OPHN1: variants seen among roughly 807,000 people sequenced by gnomAD.
OPHN1 encodes oligophrenin-1.
A neutral mutation model predicts 60.7 loss-of-function variants in OPHN1; 11 were observed. The observed-to-expected ratio is 0.18, with a 90% CI of 0.11 to 0.30. OPHN1 has a LOEUF of 0.30. OPHN1 is among the 10% of genes least tolerant of loss of function. OPHN1 has a pLI of 1.00. For missense variants in OPHN1, 449 were observed against 611.0 expected (o/e 0.73, Z 2.80); for synonymous variants, 226 against 222.6 (o/e 1.02, Z -0.14).
intron 15 of OPHN1, among the ~76,000 whole-genome samples, chrX:68,158,943 G>A (rs1050774021): frequency 8.9e-6 from 1 of 111,745 alleles, no homozygotes; most frequent in African/African-American, 3.3e-5. Flanking sequence ...ACAAGGCAGA[G>A]GTTCCATGCA....
At chrX:68,329,063 G>A (rs1245585441) in intron 2 of OPHN1, among the ~76,000 whole-genome samples, 1 of 111,273 alleles carries the variant, frequency 9.0e-6, no homozygotes, top group East Asian at 2.8e-4. Flanking sequence ...GATTACAGGC[G>A]CCCACCACCA....
intron 19 of OPHN1, among the ~76,000 whole-genome samples, chrX:68,078,577 C>G (rs2076962133): frequency 9.0e-6 from 1 of 111,495 alleles, no homozygotes; most frequent in Non-Finnish European, 1.9e-5. Context: ...TATTATTTCC[C>G]TTTGCTCAGT....
At chrX:68,088,812 G>T (rs2077005190) in intron 19 of OPHN1, among the ~76,000 whole-genome samples, 1 of 110,510 alleles carries the variant, frequency 9.0e-6, no homozygotes, top group African/African-American at 3.3e-5. Context: ...AAGGCTCAGG[G>T]GGGTAAACTG....
chrX:68,296,953 G>C (rs1009162003), intron 3 of OPHN1, among the ~76,000 whole-genome samples: 2 of 110,990 alleles, frequency 1.8e-5, no homozygotes, highest in African/African-American at 6.5e-5. Flanking sequence ...TTCCTGCATA[G>C]CACTCATTGA....
chrX:68,135,996 G>T (rs1159727647), intron 15 of OPHN1, among the ~76,000 whole-genome samples: 1 of 111,701 alleles, frequency 9.0e-6, no homozygotes, highest in Non-Finnish European at 1.9e-5. Context: ...TCAAGGGAAA[G>T]ATCTGAGCTG....
chrX:68,317,742 A>G lies in OPHN1; in HGVS notation c.155-18646T>C, dbSNP rs776469433. On this transcript the variant is annotated intron_variant, in intron 2 of 24. Transcript: ENST00000355520. Reference sequence around the variant, plus strand: ...AGAAAAGAAAAGAAAAGAAAAAAGAAAAGATCAGTAGCAGTAAGAAATCAG... The same window carrying G: ...AGAAAAGAAAAGAAAAGAAAAAAGAGAAGATCAGTAGCAGTAAGAAATCAG... Among the ~76,000 whole-genome samples the G allele has an allele frequency of 5.4e-5, 6 of 110,687 alleles. No individual in the cohort carries two copies. In the East Asian group the frequency reaches 1.7e-3, roughly 32 times the overall value.
chrX:68,287,501 C>A lies in OPHN1; in HGVS notation c.251-4384G>T, dbSNP rs764952688. On this transcript the variant is annotated intron_variant, in intron 3 of 24. Coordinates refer to ENST00000355520, the MANE Select transcript of OPHN1 (RefSeq NM_002547.3). ...AAAAATGCACAAAAGAAAGAAAATGCGCTAGTAAAACAACAACAACAACCA... is the reference window on the plus strand; with the variant it reads ...AAAAATGCACAAAAGAAAGAAAATGAGCTAGTAAAACAACAACAACAACCA... Among the ~76,000 whole-genome samples, 11 of 107,870 alleles carry A rather than the reference C, an allele frequency of 1.0e-4. No individual in the cohort carries two copies. The East Asian group carries it at 3.2e-3, about 31-fold the overall frequency. The allele number at this position is 107,870 out of a possible 115,157, so 93.7% of individuals were successfully genotyped here. A position where few individuals can be genotyped will look rare whatever the true frequency, so the allele number is the denominator to read the frequency against.
intron 15 of OPHN1, among the ~76,000 whole-genome samples, chrX:68,133,940 G>A (rs1199108584): frequency 1.8e-5 from 2 of 110,854 alleles, no homozygotes; most frequent in African/African-American, 3.3e-5. Context: ...TTTGAGAGGC[G>A]GACGTGCTTG....
intron 22 of OPHN1, 105 bp from the exon 23 acceptor site, chrX:68,052,695 T>C: frequency 1.4e-6 from 1 of 691,506 alleles, no homozygotes; most frequent in South Asian, 2.4e-5. Context: ...GGGACACCAA[T>C]GCCAGCCCCT....
intron 2 of OPHN1, among the ~76,000 whole-genome samples, chrX:68,339,654 G>A (rs1277461006): frequency 1.8e-5 from 2 of 111,928 alleles, no homozygotes; most frequent in African/African-American, 6.5e-5. Flanking sequence ...TCAGGCTGGA[G>A]TGCAGTGGCA....
chrX:68,091,788 A>C (rs183327729), intron 19 of OPHN1, among the ~76,000 whole-genome samples: 2 of 111,217 alleles, frequency 1.8e-5, no homozygotes, highest in Admixed American at 9.6e-5. Context: ...TTCCTCTGTC[A>C]GTCCAAATTA....
upstream of OPHN1, chrX:68,433,684 AG>A: frequency 1.0e-5 from 3 of 296,723 alleles, no homozygotes; most frequent in Non-Finnish European, 5.9e-6. Flanking sequence ...TCCTGGTGCA[AG>A]GGAGCCGGCC....
At chrX:68,152,773 T>C (rs1322582844) in intron 15 of OPHN1, among the ~76,000 whole-genome samples, 2 of 110,866 alleles carry the variant, frequency 1.8e-5, no homozygotes, top group Non-Finnish European at 3.8e-5. Context: ...CCTCTTAATA[T>C]CTCCATCCAC....
At chrX:68,159,459 G>C (rs2077324349) in intron 15 of OPHN1, among the ~76,000 whole-genome samples, 1 of 111,875 alleles carries the variant, frequency 8.9e-6, no homozygotes, top group African/African-American at 3.3e-5. Flanking sequence ...CAATTACTCA[G>C]GGATAACAGC....
At chrX:68,100,562 G>A (rs2077054123) in intron 18 of OPHN1, among the ~76,000 whole-genome samples, 1 of 108,995 alleles carries the variant, frequency 9.2e-6, no homozygotes. Flanking sequence ...TTGAAGGAGG[G>A]GTGATGGACA....
chrX:68,333,358 C>T (rs2078304944), intron 2 of OPHN1, among the ~76,000 whole-genome samples: 2 of 110,051 alleles, frequency 1.8e-5, no homozygotes, highest in Non-Finnish European at 3.8e-5. Flanking sequence ...CACATGCGGC[C>T]GGGCACGGTG....
chrX:68,189,530 A>G (rs1213091268), intron 15 of OPHN1, among the ~76,000 whole-genome samples: 8 of 79,591 alleles, frequency 1.0e-4, no homozygotes, highest in East Asian at 4.1e-4. Context: ...AACAGGCCCC[A>G]GTGTGTGATG....
chrX:68,328,350 G>C (rs1203477266), intron 2 of OPHN1, among the ~76,000 whole-genome samples: 3 of 109,618 alleles, frequency 2.7e-5, no homozygotes, highest in Admixed American at 9.9e-5. Flanking sequence ...AGATGGTCTC[G>C]ATCTCCTGAC....
chrX:68,365,997 T>C (rs1347923190), intron 2 of OPHN1, among the ~76,000 whole-genome samples: 1 of 109,341 alleles, frequency 9.1e-6, no homozygotes, highest in Non-Finnish European at 1.9e-5. Flanking sequence ...AAAAACAAAT[T>C]CCTCCTATTC....
Sources: gnomAD v4.1 joint callset for allele counts (sites outside exome capture counted in the v4.1 genomes callset) on GRCh38, gnomAD v4.1.1 for gene constraint, MANE v1.5 for transcripts, NCBI Gene and HGNC (gene_info 2026-07-23, HGNC 2026-07-21) for gene names.